Variants in ACBD6 observed in about 807,000 individuals in gnomAD.
ACBD6 encodes the protein acyl-CoA-binding domain-containing protein 6.
In ACBD6, 28 loss-of-function variants were observed where a neutral mutation model predicts 37.2. The ratio of observed to expected loss-of-function variants is 0.75; its 90% CI spans 0.56 to 1.03. The LOEUF is 1.03. Among genes scored for constraint, ACBD6 ranks in the 50% least tolerant of loss-of-function variants. The probability of loss-of-function intolerance (pLI) is 0.00; values close to 1 mark genes in which losing one functional copy is unlikely to be tolerated. For missense variants in ACBD6, 340 were observed against 337.4 expected, an observed-to-expected ratio of 1.01 and a Z score of -0.06; for synonymous variants, 113 against 126.8, an observed-to-expected ratio of 0.89 and a Z score of 0.73.
At chr1:180,468,809 G>T (rs966811045) in intron 3 of ACBD6, among the ~76,000 whole-genome samples, 5 of 152,148 alleles carry the variant, frequency 3.3e-5, no homozygotes, top group Non-Finnish European at 5.9e-5. Flanking sequence ...TACCACAGAG[G>T]AAGACAAGGC....
chr1:180,362,482 C>T (rs1421423175), intron 6 of ACBD6, among the ~76,000 whole-genome samples: 1 of 152,216 alleles, frequency 6.6e-6, no homozygotes, highest in African/African-American at 2.4e-5. Flanking sequence ...TAACAATCAG[C>T]TATCCCTATA....
At chr1:180,384,006 T>C (rs1653753843) in intron 6 of ACBD6, among the ~76,000 whole-genome samples, 1 of 151,872 alleles carries the variant, frequency 6.6e-6, no homozygotes, top group Non-Finnish European at 1.5e-5. Context: ...TCTCACCATA[T>C]ATAAAAATCA....
At chr1:180,490,064 A>G (rs1651433434) in intron 3 of ACBD6, among the ~76,000 whole-genome samples, 1 of 152,236 alleles carries the variant, frequency 6.6e-6, no homozygotes, top group Non-Finnish European at 1.5e-5. Flanking sequence ...AAATGCCTTC[A>G]TAGGCCAAGC....
At chr1:180,284,571 T>C (rs1218001312), downstream of ACBD6, among the ~76,000 whole-genome samples, 1 of 151,996 alleles carries the variant, frequency 6.6e-6, no homozygotes, top group East Asian at 1.9e-4. Flanking sequence ...TTTCACTTTA[T>C]GTTGGCCAGG....
intron 6 of ACBD6, among the ~76,000 whole-genome samples, chr1:180,345,259 AG>A (rs890284039): frequency 6.6e-6 from 1 of 152,216 alleles, no homozygotes; most frequent in African/African-American, 2.4e-5. Flanking sequence ...AATGACCAGA[AG>A]TAAAAAAGAG....
At chr1:180,438,182 A>T (rs1452383713) in intron 3 of ACBD6, 1 of 152,584 alleles carries the variant, frequency 6.6e-6, no homozygotes, top group East Asian at 1.9e-4. Context: ...GATGATCTGA[A>T]GTCAAATGGT....
intron 4 of ACBD6, among the ~76,000 whole-genome samples, chr1:180,425,236 T>C (rs1357452021): frequency 6.6e-6 from 1 of 152,188 alleles, no homozygotes; most frequent in African/African-American, 2.4e-5. Context: ...ACCTTTGCTT[T>C]CTCAATTATT....
At chr1:180,408,371 G>C (rs888863985) in intron 5 of ACBD6, among the ~76,000 whole-genome samples, 17 of 152,294 alleles carry the variant, frequency 1.1e-4, no homozygotes, top group African/African-American at 3.9e-4. Context: ...CCTTTGTAGG[G>C]ACATGGATGA....
intron 6 of ACBD6, among the ~76,000 whole-genome samples, chr1:180,355,290 T>A (rs1364745016): frequency 1.3e-5 from 2 of 152,202 alleles, no homozygotes; most frequent in Non-Finnish European, 2.9e-5. Flanking sequence ...AACCTTATGC[T>A]CTTAACTATG....
intron 6 of ACBD6, among the ~76,000 whole-genome samples, chr1:180,322,995 C>T (rs538073321): frequency 6.6e-5 from 10 of 151,558 alleles, no homozygotes; most frequent in East Asian, 5.8e-4. Context: ...TTGATGCAGG[C>T]GCTATAAACT....
chr1:180,407,869 G>A (rs1171274005), intron 5 of ACBD6, among the ~76,000 whole-genome samples: 1 of 152,074 alleles, frequency 6.6e-6, no homozygotes, highest in African/African-American at 2.4e-5. Context: ...ATATTAACAG[G>A]CACCATATAG....
chr1:180,371,335 C>T (rs1653255500), intron 6 of ACBD6, among the ~76,000 whole-genome samples: 1 of 152,062 alleles, frequency 6.6e-6, no homozygotes, highest in African/African-American at 2.4e-5. Context: ...AGTGATTCAT[C>T]ACACGAATGA....
intron 6 of ACBD6, among the ~76,000 whole-genome samples, chr1:180,361,571 C>T (rs773037337): frequency 2.4e-4 from 37 of 151,378 alleles, no homozygotes; most frequent in Non-Finnish European, 4.6e-4. Flanking sequence ...TAATTTCTTA[C>T]GGGATTTGGT....
intron 3 of ACBD6, among the ~76,000 whole-genome samples, chr1:180,487,897 G>A (rs912833757): frequency 1.3e-5 from 2 of 152,186 alleles, no homozygotes; most frequent in Non-Finnish European, 2.9e-5. Flanking sequence ...GCACAGAAAT[G>A]TTTTCCAACT....
chr1:180,501,998 A>C (rs1009496821), intron 1 of ACBD6, 47 bp downstream of exon 1: 9 of 1,578,818 alleles, frequency 5.7e-6, no homozygotes, highest in Non-Finnish European at 7.8e-6. Context: ...TTGAGGAAGA[A>C]GGCTCCGTGT....
chr1:180,395,329 A>C (rs528632001), intron 6 of ACBD6, among the ~76,000 whole-genome samples: 1 of 152,254 alleles, frequency 6.6e-6, no homozygotes, highest in African/African-American at 2.4e-5. Flanking sequence ...CTACTGGCTG[A>C]GATCTGGGTT....
At chr1:180,400,598 C>T (rs1040167569) in intron 5 of ACBD6, among the ~76,000 whole-genome samples, 1 of 152,118 alleles carries the variant, frequency 6.6e-6, no homozygotes, top group African/African-American at 2.4e-5. Context: ...CTTCAAGATG[C>T]TCTATATTTA....
intron 5 of ACBD6, among the ~76,000 whole-genome samples, chr1:180,406,386 A>G (rs1304173664): frequency 1.3e-5 from 2 of 152,172 alleles, no homozygotes; most frequent in African/African-American, 4.8e-5. Context: ...GGATCATTCC[A>G]GATTTTGGAT....
At chr1:180,453,228 T>G (rs1269089596) in intron 3 of ACBD6, among the ~76,000 whole-genome samples, 2 of 152,200 alleles carry the variant, frequency 1.3e-5, no homozygotes, top group Admixed American at 1.3e-4. Flanking sequence ...ACGATCAAGT[T>G]GGCTTCATCT....
Sources: gnomAD v4.1 joint callset for allele counts (sites outside exome capture counted in the v4.1 genomes callset) on GRCh38, gnomAD v4.1.1 for gene constraint, MANE v1.5 for transcripts, NCBI Gene and HGNC (gene_info 2026-07-23, HGNC 2026-07-21) for gene names.